Variants in PYHIN1 observed in about 807,000 individuals in gnomAD.
PYHIN1 encodes pyrin and HIN domain-containing protein 1.
In PYHIN1, 32 loss-of-function variants were observed where a neutral mutation model predicts 43.7. The observed-to-expected ratio is 0.73, with a 90% CI of 0.55 to 0.98. The LOEUF (loss-of-function observed/expected upper bound fraction) is 0.98. Among genes scored for constraint, PYHIN1 ranks in the 50% least tolerant of loss-of-function variants. The probability of loss-of-function intolerance (pLI) is 0.00; values close to 1 mark genes in which losing one functional copy is unlikely to be tolerated. For synonymous variants in PYHIN1, 205 were observed against 203.1 expected (o/e 1.01, Z -0.08); for missense variants, 588 against 589.5 (o/e 1.00, Z 0.03).
chr1:158,981,504 A>G (rs1651482221), downstream of PYHIN1, among the ~76,000 whole-genome samples: 2 of 152,098 alleles, frequency 1.3e-5, no homozygotes, highest in African/African-American at 2.4e-5. Flanking sequence ...CAAACAAACA[A>G]AGAAACCATA....
the PYHIN1 span, among the ~76,000 whole-genome samples, chr1:158,983,191 G>A: frequency 6.6e-6 from 1 of 152,024 alleles, no homozygotes; most frequent in Non-Finnish European, 1.5e-5. Context: ...TGAACCAGGA[G>A]TAGTGAGAGT....
In PYHIN1 at chr1:158,937,146, C is replaced by T. The variant is rs778739969; in HGVS notation, c.236C>T (p.Ala79Val). Residue 79 changes from alanine to valine, a missense_variant, in exon 2 of 9, where the codon GCT becomes GTT. Transcript: ENST00000368140. ...GAAATACCAACACTGGGAGACCTTGCTGAAACTCTTAAAAGAGAAAAGTTA... is the reference window on the plus strand; with the variant it reads ...GAAATACCAACACTGGGAGACCTTGTTGAAACTCTTAAAAGAGAAAAGTTA... ...FKEIPTLGDLAETLKREKLKV... is the reference protein window; with the variant it reads ...FKEIPTLGDLVETLKREKLKV... 1 of 1,600,426 alleles carries T rather than the reference C, an allele frequency of 6.2e-7. No homozygotes were observed. The highest frequency in any genetic ancestry group is 8.5e-7 in the Non-Finnish European group (1 of 1,175,132).
In PYHIN1 at chr1:158,941,947, T is replaced by C. The variant is rs757025435; in HGVS notation, c.580-30T>C. 6 of 1,535,248 alleles carry C rather than the reference T, an allele frequency of 3.9e-6. No individual in the cohort carries two copies. In the South Asian group the frequency reaches 7.9e-5, roughly 20 times the overall value. On this transcript the variant is annotated intron_variant, in intron 4 of 8. Coordinates refer to ENST00000368140, the MANE Select transcript of PYHIN1 (RefSeq NM_152501.5). ...TCTGTATTCCTCACTCAAAAATTTC[T>C]TTTTTGTATTCCTTTTGTATCATGC...
intron 8 of PYHIN1, 70 bp from the exon 9 acceptor site, chr1:158,976,631 G>A: frequency 8.5e-7 from 1 of 1,170,890 alleles, no homozygotes; most frequent in Admixed American, 1.9e-5. Context: ...GAGAGGCAGT[G>A]TGATTGAAGA....
intron 2 of PYHIN1, 127 bp from the exon 3 acceptor site, chr1:158,938,270 C>T: frequency 1.0e-6 from 1 of 993,082 alleles, no homozygotes; most frequent in Non-Finnish European, 1.5e-6. Context: ...TAGGCTAATG[C>T]AATAGAGATA....
At chr1:158,956,215 T>C (rs998478449) in intron 7 of PYHIN1, among the ~76,000 whole-genome samples, 1 of 148,914 alleles carries the variant, frequency 6.7e-6, no homozygotes, top group African/African-American at 2.5e-5. Context: ...ACTATTCCAA[T>C]CAATAGAAAA....
At chr1:158,942,575 T>C (rs1557827244) in intron 5 of PYHIN1, among the ~76,000 whole-genome samples, 176 bp downstream of exon 5, 1 of 152,202 alleles carries the variant, frequency 6.6e-6, no homozygotes, top group East Asian at 1.9e-4. Flanking sequence ...AGGAGAACTA[T>C]TAATGTTCTC....
At chr1:158,990,079 A>G in the PYHIN1 span, among the ~76,000 whole-genome samples, 17 of 152,002 alleles carry the variant, frequency 1.1e-4, no homozygotes, top group African/African-American at 4.1e-4. Flanking sequence ...TGAATAGTCA[A>G]CTTCCACTCA....
At chr1:158,979,319 C>G (rs1237494178), downstream of PYHIN1, among the ~76,000 whole-genome samples, 2 of 152,136 alleles carry the variant, frequency 1.3e-5, no homozygotes, top group East Asian at 3.9e-4. Flanking sequence ...CTTCCTCCAG[C>G]CCCAGCTAAC....
At chr1:158,949,192 G>A (rs999949469) in intron 7 of PYHIN1, among the ~76,000 whole-genome samples, 6 of 152,100 alleles carry the variant, frequency 3.9e-5, no homozygotes, top group South Asian at 2.1e-4. Flanking sequence ...ACAGGGGAAC[G>A]TGATGAGGTT....
At chr1:158,967,604 A>G (rs1650698316) in intron 7 of PYHIN1, among the ~76,000 whole-genome samples, 1 of 152,148 alleles carries the variant, frequency 6.6e-6, no homozygotes, top group African/African-American at 2.4e-5. Flanking sequence ...TTTAAAATTT[A>G]TATAAAACCA....
chr1:158,947,039 C>A, intron 7 of PYHIN1, among the ~76,000 whole-genome samples: 1 of 152,136 alleles, frequency 6.6e-6, no homozygotes, highest in East Asian at 1.9e-4. Flanking sequence ...CCACATCATG[C>A]AGTTTCTTAC....
At position 158,944,873 on chromosome 1, in the gene PYHIN1, A is replaced by T. The variant is rs1354335771; in HGVS notation, c.1192-2A>T. ...ATTAAACAAAAAAATGAATACTTTC[A>T]GATACAGAAAAATACAAACCAGAGA... On this transcript the variant is annotated splice_acceptor_variant, in intron 6 of 8. Coordinates refer to ENST00000368140, the MANE Select transcript of PYHIN1 (RefSeq NM_152501.5). LOFTEE classifies it high-confidence loss of function. 6.4e-7 allele frequency: 1 copy of T among 1,560,608 alleles called. No homozygotes were observed. The highest frequency in any genetic ancestry group is 8.6e-7 in the Non-Finnish European group (1 of 1,157,632).
At chr1:158,968,682 A>G (rs1012293629) in intron 7 of PYHIN1, among the ~76,000 whole-genome samples, 5 of 152,116 alleles carry the variant, frequency 3.3e-5, no homozygotes, top group Non-Finnish European at 7.4e-5. Context: ...TAGCAAAGAC[A>G]TGGAATCACC....
At chr1:158,979,961 A>T (rs147654370), downstream of PYHIN1, among the ~76,000 whole-genome samples, 4 of 152,208 alleles carry the variant, frequency 2.6e-5, no homozygotes, top group African/African-American at 9.6e-5. Flanking sequence ...TTTAGCTCCT[A>T]CTTATTAGTA....
At chr1:158,951,411 G>T (rs1467459931) in intron 7 of PYHIN1, among the ~76,000 whole-genome samples, 1 of 152,188 alleles carries the variant, frequency 6.6e-6, no homozygotes, top group African/African-American at 2.4e-5. Flanking sequence ...CTTAATTAGA[G>T]CTGTCTCAAG....
At chr1:158,946,126 C>T (rs1037940119) in intron 7 of PYHIN1, among the ~76,000 whole-genome samples, 14 of 152,256 alleles carry the variant, frequency 9.2e-5, no homozygotes. Flanking sequence ...AATATGTTTG[C>T]ATAGCCCAGG....
At chr1:158,932,405 C>G (rs1216423164) in intron 1 of PYHIN1, among the ~76,000 whole-genome samples, 1 of 152,126 alleles carries the variant, frequency 6.6e-6, no homozygotes, top group Admixed American at 6.5e-5. Flanking sequence ...CTCAGCGACA[C>G]ACAGTTTACT....
chr1:158,967,708 A>G (rs895282449), intron 7 of PYHIN1, among the ~76,000 whole-genome samples: 1 of 152,310 alleles, frequency 6.6e-6, no homozygotes, highest in South Asian at 2.1e-4. Flanking sequence ...GCAAGGTTAC[A>G]GTAACCAAAA....
Sources: gnomAD v4.1 joint callset for allele counts (sites outside exome capture counted in the v4.1 genomes callset) on GRCh38, gnomAD v4.1.1 for gene constraint, MANE v1.5 for transcripts, NCBI Gene and HGNC (gene_info 2026-07-23, HGNC 2026-07-21) for gene names.